Variants in PBRM1 observed in about 807,000 individuals in gnomAD.
The protein encoded by PBRM1 is protein polybromo-1.
In PBRM1, 27 loss-of-function variants were observed where a neutral mutation model predicts 194.5. The ratio of observed to expected loss-of-function variants is 0.14; its 90% CI spans 0.10 to 0.19. The LOEUF is 0.19. PBRM1 is among the 10% of genes least tolerant of loss of function. The pLI is 1.00. For synonymous variants in PBRM1, 655 were observed against 693.2 expected, an observed-to-expected ratio of 0.94 and a Z score of 0.87; for missense variants, 1,466 against 2,077.2, an observed-to-expected ratio of 0.71 and a Z score of 5.72.
chr3:52,588,157 C>T (rs2092637325), intron 18 of PBRM1, among the ~76,000 whole-genome samples: 1 of 152,086 alleles, frequency 6.6e-6, no homozygotes, highest in Non-Finnish European at 1.5e-5. Flanking sequence ...AGTAAGGGGA[C>T]AGATATGCTA....
chr3:52,610,796 C>T (rs536937931), intron 15 of PBRM1, among the ~76,000 whole-genome samples: 9 of 152,104 alleles, frequency 5.9e-5, no homozygotes, highest in East Asian at 3.9e-4. Context: ...AAAAATTAGC[C>T]GAGTGTGGTG....
intron 10 of PBRM1, among the ~76,000 whole-genome samples, chr3:52,638,926 T>C (rs1370043329): frequency 2.0e-5 from 3 of 147,114 alleles, no homozygotes; most frequent in Admixed American, 7.0e-5. Flanking sequence ...GCTTATTTTC[T>C]AGAAATCTGG....
chr3:52,603,528 T>A, exon 17 of PBRM1: 1 of 1,596,282 alleles, frequency 6.3e-7, no homozygotes. Context: ...AACCTCTTTT[T>A]TCTTCTTCTC....
chr3:52,576,818 C>T (rs908995903), intron 21 of PBRM1, 120 bp from the exon 24 acceptor site: 3 of 592,158 alleles, frequency 5.1e-6, no homozygotes, highest in Non-Finnish European at 2.8e-6. Context: ...GTTTCACTGG[C>T]TGTTTTGGTA....
intron 25 of PBRM1, among the ~76,000 whole-genome samples, chr3:52,561,542 C>A (rs1046790076): frequency 2.0e-5 from 3 of 152,000 alleles, no homozygotes; most frequent in Non-Finnish European, 4.4e-5. Flanking sequence ...GAGAAATTTG[C>A]AGGGGAAAAT....
chr3:52,570,134 C>T (rs1295178258), intron 22 of PBRM1, among the ~76,000 whole-genome samples: 1 of 152,138 alleles, frequency 6.6e-6, no homozygotes, highest in Admixed American at 6.6e-5. Flanking sequence ...ACCACGCCCA[C>T]ATCAGCTAAT....
chr3:52,682,560 A>T (rs2154078159), upstream of PBRM1, among the ~76,000 whole-genome samples: 1 of 152,346 alleles, frequency 6.6e-6, no homozygotes, highest in African/African-American at 2.4e-5. Context: ...GTTTCAACTT[A>T]AGGATAATTT....
chr3:52,611,003 T>A (rs889621501), intron 15 of PBRM1, among the ~76,000 whole-genome samples: 4 of 152,068 alleles, frequency 2.6e-5, no homozygotes, highest in African/African-American at 9.7e-5. Flanking sequence ...ATAAGGACAA[T>A]AACTTCAATT....
intron 20 of PBRM1, chr3:52,586,214 G>C: frequency 2.2e-6 from 1 of 445,938 alleles, no homozygotes; most frequent in Non-Finnish European, 4.0e-6. Flanking sequence ...GATTACAGGC[G>C]TGAACCAATG....
intron 6 of PBRM1, among the ~76,000 whole-genome samples, chr3:52,650,361 C>T (rs1301765599): frequency 2.8e-5 from 1 of 35,658 alleles, no homozygotes; most frequent in African/African-American, 8.9e-5. Flanking sequence ...AAGACTGTCT[C>T]AAAAAAAAAA....
At chr3:52,636,940 A>C (rs966373199) in intron 10 of PBRM1, among the ~76,000 whole-genome samples, 2 of 151,792 alleles carry the variant, frequency 1.3e-5, no homozygotes, top group Non-Finnish European at 2.9e-5. Context: ...AACACACAAG[A>C]TGGGTATTAT....
At chr3:52,640,175 G>T (rs1276173745) in intron 10 of PBRM1, among the ~76,000 whole-genome samples, 1 of 151,528 alleles carries the variant, frequency 6.6e-6, no homozygotes, top group Admixed American at 6.6e-5. Flanking sequence ...TCAAAAGTCA[G>T]TGTAGCTACT....
At chr3:52,570,456 G>C (rs1031459279) in intron 22 of PBRM1, among the ~76,000 whole-genome samples, 1 of 152,076 alleles carries the variant, frequency 6.6e-6, no homozygotes, top group Admixed American at 6.6e-5. Context: ...TTTTAATTCA[G>C]AAAAGGGATA....
At chr3:52,548,189 T>C (rs767505110) in exon 30 of PBRM1, 7 of 1,608,998 alleles carry the variant, frequency 4.4e-6, no homozygotes, top group Non-Finnish European at 5.1e-6. Context: ...AGTGAGAGGG[T>C]AGGCGGCTCT....
intron 24 of PBRM1, among the ~76,000 whole-genome samples, chr3:52,562,224 G>A (rs1026577948): frequency 6.6e-6 from 1 of 151,732 alleles, no homozygotes; most frequent in African/African-American, 2.4e-5. Flanking sequence ...CTACTCAGGA[G>A]GCTGAGGCAG....
intron 17 of PBRM1, among the ~76,000 whole-genome samples, chr3:52,592,853 A>G (rs1417100520): frequency 1.3e-5 from 2 of 152,332 alleles, no homozygotes; most frequent in African/African-American, 4.8e-5. Context: ...TGGTCTGTTC[A>G]GGGATTCAAG....
chr3:52,577,430 C>CAAAAA (rs71084193), intron 21 of PBRM1, among the ~76,000 whole-genome samples: 28 of 65,720 alleles, frequency 4.3e-4, no homozygotes, highest in African/African-American at 1.7e-3. Flanking sequence ...GACAATGTCT[C>CAAAAA]AAAAAAAAAA....
chr3:52,666,919 A>C (rs2096850128), intron 3 of PBRM1, among the ~76,000 whole-genome samples: 1 of 152,034 alleles, frequency 6.6e-6, no homozygotes, highest in African/African-American at 2.4e-5. Context: ...TTATAAAGCC[A>C]AAGTAATTAA....
At chr3:52,581,849 G>A (rs745678656) in intron 20 of PBRM1, among the ~76,000 whole-genome samples, 2 of 152,054 alleles carry the variant, frequency 1.3e-5, no homozygotes, top group African/African-American at 2.4e-5. Context: ...TGTTGGCCTG[G>A]ATGGTCGTGA....
Sources: allele counts gnomAD v4.1 joint callset (sites outside exome capture counted in the v4.1 genomes callset), GRCh38; gene constraint gnomAD v4.1.1; transcripts MANE v1.5; gene names NCBI Gene and HGNC (gene_info 2026-07-23, HGNC 2026-07-21).